The following CDC42SE2 variants were observed in gnomAD, a reference collection of about 807,000 sequenced individuals.
CDC42SE2 encodes the protein CDC42 small effector protein 2.
In CDC42SE2, 3 loss-of-function variants were observed where a neutral mutation model predicts 11.5. The ratio of observed to expected loss-of-function variants is 0.26; its 90% confidence interval spans 0.12 to 0.67. The LOEUF is 0.67. Among genes scored for constraint, CDC42SE2 ranks in the 30% least tolerant of loss-of-function variants. The pLI, the probability that CDC42SE2 is intolerant of heterozygous loss-of-function variation, is 0.80. For missense variants in CDC42SE2, 82 were observed against 106.8 expected (o/e 0.77, Z 1.02); for synonymous variants, 33 against 34.8 (o/e 0.95, Z 0.18).
At chr5:131,318,987 C>T (rs1039962920) in intron 2 of CDC42SE2, among the ~76,000 whole-genome samples, 19 of 152,062 alleles carry the variant, frequency 1.2e-4, no homozygotes, top group African/African-American at 2.7e-4. Context: ...TTGCAACCTC[C>T]GCCTCCAGGG....
At chr5:131,304,473 T>TTC (rs1757743112) in intron 1 of CDC42SE2, among the ~76,000 whole-genome samples, 1 of 152,232 alleles carries the variant, frequency 6.6e-6, no homozygotes, top group Non-Finnish European at 1.5e-5. Context: ...CTAAGCAGAA[T>TTC]ATGAAGTCCA....
chr5:131,350,607 T>TTTTGTG (rs934349930), intron 2 of CDC42SE2, among the ~76,000 whole-genome samples: 5 of 141,794 alleles, frequency 3.5e-5, no homozygotes, highest in Admixed American at 2.1e-4. Flanking sequence ...AAAATTTATT[T>TTTTGTG]TGTGTGTGTG....
intron 2 of CDC42SE2, among the ~76,000 whole-genome samples, chr5:131,326,554 T>C (rs146187188): frequency 6.6e-6 from 1 of 152,312 alleles, no homozygotes. Flanking sequence ...TATCTGCTTA[T>C]ACTGTTTTTG....
At chr5:131,370,046 G>GT (rs1749972513) in intron 3 of CDC42SE2, among the ~76,000 whole-genome samples, 2 of 152,236 alleles carry the variant, frequency 1.3e-5, no homozygotes, top group South Asian at 4.1e-4. Flanking sequence ...GGAGGGCTTA[G>GT]TTTTTTAAAA....
chr5:131,279,016 C>T (rs1458614404), intron 1 of CDC42SE2, among the ~76,000 whole-genome samples: 6 of 151,396 alleles, frequency 4.0e-5, no homozygotes, highest in Non-Finnish European at 8.8e-5. Context: ...AACTCCCAAC[C>T]TCAAGTGATG....
At chr5:131,338,890 C>G (rs1758640776) in intron 2 of CDC42SE2, among the ~76,000 whole-genome samples, 1 of 152,142 alleles carries the variant, frequency 6.6e-6, no homozygotes, top group Non-Finnish European at 1.5e-5. Context: ...AAAATGTACA[C>G]TGCAACTTGT....
At chr5:131,354,623 T>C (rs1355689887) in intron 2 of CDC42SE2, 9 of 152,210 alleles carry the variant, frequency 5.9e-5, no homozygotes, top group Non-Finnish European at 1.0e-4. Context: ...ATAATTCACC[T>C]TTTTTCATTT....
chr5:131,348,622 A>G (rs1355443983), intron 2 of CDC42SE2, among the ~76,000 whole-genome samples: 1 of 152,170 alleles, frequency 6.6e-6, no homozygotes, highest in Admixed American at 6.5e-5. Context: ...GACTTTCTTC[A>G]CAGAATTGGA....
intron 1 of CDC42SE2, among the ~76,000 whole-genome samples, chr5:131,266,954 CTTTTT>C (rs34496996): frequency 5.8e-5 from 4 of 69,512 alleles, no homozygotes; most frequent in African/African-American, 1.0e-4. Flanking sequence ...AAGTGTTTGG[CTTTTT>C]TTTTTTTTTT....
At chr5:131,214,799 CCA>C in the CDC42SE2 span, among the ~76,000 whole-genome samples, 1 of 152,176 alleles carries the variant, frequency 6.6e-6, no homozygotes, top group Admixed American at 6.5e-5. Flanking sequence ...CTTGGTGAGA[CCA>C]TTCCCATCAG....
chr5:131,384,705 AT>A, intron 3 of CDC42SE2, among the ~76,000 whole-genome samples: 1 of 152,210 alleles, frequency 6.6e-6, no homozygotes, highest in African/African-American at 2.4e-5. Context: ...AGATGAGCAT[AT>A]TGGTCAGAAC....
chr5:131,301,392 C>T (rs149999832), intron 1 of CDC42SE2, among the ~76,000 whole-genome samples: 15 of 152,164 alleles, frequency 9.9e-5, no homozygotes, highest in African/African-American at 3.4e-4. Context: ...CCAATTACCC[C>T]GACCACTATA....
rs548532441 is a variant in CDC42SE2 at position 131,394,316 on chromosome 5, A to AG, written c.*3227dup. 2.7e-3 allele frequency: 411 copies of AG among 152,484 alleles called. 1 individual carries two copies. Among genetic ancestry groups the AG allele is most frequent in the African/African-American group, 9.2e-3 (382 of 41,574 alleles). The allele number at this position is 152,484 out of a possible 1,614,324, so 9.4% of individuals were successfully genotyped here. On this transcript the variant is annotated 3_prime_UTR_variant, in exon 5 of 5. Coordinates refer to ENST00000505065, the MANE Select transcript of CDC42SE2 (RefSeq NM_001375635.1). ...TAAAAGAGGTACTTTCCCATGATGT[A>AG]GGCATGAAGTGGTGCCAGTAAGCGT...
At chr5:131,297,747 A>C (rs1757600915) in intron 1 of CDC42SE2, among the ~76,000 whole-genome samples, 1 of 151,676 alleles carries the variant, frequency 6.6e-6, no homozygotes, top group African/African-American at 2.4e-5. Context: ...TAAGTAAATA[A>C]AAATTAAAAA....
intron 2 of CDC42SE2, among the ~76,000 whole-genome samples, chr5:131,342,876 C>T (rs1298118362): frequency 2.0e-5 from 3 of 150,824 alleles, no homozygotes; most frequent in South Asian, 2.1e-4. Context: ...CCACACCTGG[C>T]GAATGTTTGT....
chr5:131,234,598 T>A, the CDC42SE2 span, among the ~76,000 whole-genome samples: 1 of 148,112 alleles, frequency 6.8e-6, no homozygotes, highest in East Asian at 2.0e-4. Flanking sequence ...ATCGTGCCAC[T>A]GCACTCCAGC....
rs571420844 is a variant in CDC42SE2 at position 131,249,883 on chromosome 5, TA to T, written n.107+4293del. ...GGACAACAGAGTGAGATGCTGTCTC[TA>T]AAAAAAAAGAGCATAGGGAGATATC... On this transcript the variant is annotated intron_variant and non_coding_transcript_variant, in intron 1 of 3. Transcript: ENST00000502840. Among the ~76,000 whole-genome samples, 31 of 150,308 alleles carry T rather than the reference TA, an allele frequency of 2.1e-4. No individual in the cohort carries two copies. The South Asian group carries it at 6.5e-3, about 32-fold the overall frequency.
intron 2 of CDC42SE2, among the ~76,000 whole-genome samples, chr5:131,333,061 G>T (rs1378500923): frequency 6.6e-6 from 1 of 152,154 alleles, no homozygotes; most frequent in African/African-American, 2.4e-5. Flanking sequence ...TACCTGAATG[G>T]TATTGCCTAG....
intron 2 of CDC42SE2, among the ~76,000 whole-genome samples, chr5:131,355,622 A>G (rs984254437): frequency 1.3e-5 from 2 of 152,178 alleles, no homozygotes; most frequent in Admixed American, 1.3e-4. Context: ...TTTTATTTCA[A>G]AGTCCAAATT....
Sources: gnomAD v4.1 joint callset for allele counts (sites outside exome capture counted in the v4.1 genomes callset) on GRCh38, gnomAD v4.1.1 for gene constraint, MANE v1.5 for transcripts, NCBI Gene and HGNC (gene_info 2026-07-23, HGNC 2026-07-21) for gene names.